The following ARHGAP26 variants were observed in gnomAD, a reference collection of about 807,000 sequenced individuals.
ARHGAP26 encodes Rho GTPase activating protein 26.
ARHGAP26 carries 38 observed loss-of-function variants against 104.8 expected under a neutral mutation model. The ratio of observed to expected loss-of-function variants is 0.36; its 90% confidence interval spans 0.28 to 0.48. The LOEUF is 0.48. Among genes scored for constraint, ARHGAP26 ranks in the 20% least tolerant of loss-of-function variants. ARHGAP26 has a pLI of 0.99. For missense variants in ARHGAP26, 704 were observed against 947.9 expected (o/e 0.74, Z 3.38); for synonymous variants, 341 against 340.0 (o/e 1.00, Z -0.03).
intron 1 of ARHGAP26, among the ~76,000 whole-genome samples, chr5:142,862,876 T>C (rs760493615): frequency 2.6e-5 from 4 of 152,204 alleles, no homozygotes; most frequent in Non-Finnish European, 5.9e-5. Context: ...GAAGACATCA[T>C]TTCATTTGGG....
chr5:142,802,675 A>G (rs1267028080), intron 1 of ARHGAP26, among the ~76,000 whole-genome samples: 1 of 152,030 alleles, frequency 6.6e-6, no homozygotes, highest in Non-Finnish European at 1.5e-5. Flanking sequence ...AAAAGTAGGC[A>G]TTGGCAAATT....
chr5:142,833,855 A>G (rs948674672), intron 1 of ARHGAP26, among the ~76,000 whole-genome samples: 3 of 152,222 alleles, frequency 2.0e-5, no homozygotes, highest in Non-Finnish European at 4.4e-5. Context: ...TTTCTGAAAC[A>G]ACACAAAAAT....
chr5:142,798,238 A>C (rs1159532877), intron 1 of ARHGAP26, among the ~76,000 whole-genome samples: 1 of 151,986 alleles, frequency 6.6e-6, no homozygotes, highest in Non-Finnish European at 1.5e-5. Flanking sequence ...CTCATCTTAC[A>C]CCATCTCTGC....
intron 5 of ARHGAP26, among the ~76,000 whole-genome samples, chr5:142,893,868 G>C (rs528398310): frequency 6.7e-6 from 1 of 149,824 alleles, no homozygotes; most frequent in African/African-American, 2.4e-5. Flanking sequence ...ATACCCTTTG[G>C]CTATTTGTGT....
chr5:143,060,850 A>C (rs1027863231), intron 17 of ARHGAP26, among the ~76,000 whole-genome samples: 9 of 152,150 alleles, frequency 5.9e-5, no homozygotes, highest in African/African-American at 2.2e-4. Context: ...GCCATATGCA[A>C]GGATTTTCTA....
chr5:143,019,954 C>T (rs546666849), intron 12 of ARHGAP26, among the ~76,000 whole-genome samples: 1 of 152,338 alleles, frequency 6.6e-6, no homozygotes, highest in African/African-American at 2.4e-5. Flanking sequence ...AAGGAATATG[C>T]TGAAGTTGCT....
intron 1 of ARHGAP26, among the ~76,000 whole-genome samples, chr5:142,808,311 G>A (rs1763425121): frequency 7.1e-6 from 1 of 140,884 alleles, no homozygotes; most frequent in South Asian, 2.3e-4. Flanking sequence ...TCCGAAAGGT[G>A]ATTTGCATGT....
chr5:143,001,146 C>T (rs1353369728), intron 11 of ARHGAP26, among the ~76,000 whole-genome samples: 1 of 151,734 alleles, frequency 6.6e-6, no homozygotes, highest in African/African-American at 2.4e-5. Flanking sequence ...GGGTGCAAAA[C>T]AGAACAGTGG....
intron 11 of ARHGAP26, among the ~76,000 whole-genome samples, chr5:142,952,320 C>A (rs894344653): frequency 6.6e-6 from 1 of 152,142 alleles, no homozygotes. Flanking sequence ...TGCCAACATT[C>A]GGCAGTGCAG....
intron 21 of ARHGAP26, among the ~76,000 whole-genome samples, chr5:143,208,364 C>T (rs1379922920): frequency 6.6e-6 from 1 of 152,250 alleles, no homozygotes; most frequent in East Asian, 1.9e-4. Flanking sequence ...AGTATTTTCC[C>T]TTCTGTCTTT....
chr5:142,897,917 T>C (rs1475462658), intron 6 of ARHGAP26, among the ~76,000 whole-genome samples: 1 of 152,184 alleles, frequency 6.6e-6, no homozygotes, highest in Non-Finnish European at 1.5e-5. Flanking sequence ...GCAAGAAGTC[T>C]ATTGAACTAA....
intron 10 of ARHGAP26, among the ~76,000 whole-genome samples, chr5:142,915,935 T>C (rs1373716340): frequency 1.3e-5 from 2 of 152,178 alleles, no homozygotes; most frequent in Non-Finnish European, 2.9e-5. Context: ...CTTTCCTTTT[T>C]CACCAATGTC....
chr5:142,859,338 G>A (rs557410973), intron 1 of ARHGAP26, among the ~76,000 whole-genome samples: 28 of 152,244 alleles, frequency 1.8e-4, no homozygotes, highest in Non-Finnish European at 3.7e-4. Flanking sequence ...CCCAGGACTG[G>A]GTACTTAATC....
In ARHGAP26 at chr5:142,861,571, G is replaced by C. The variant is rs13153145; in HGVS notation, c.155-11829G>C. On this transcript the variant is annotated intron_variant, in intron 1 of 22. Transcript: ENST00000645722. ...GACTGACGGTGAGGAGGGCGAGAGG[G>C]AGTCAAAGTGGTAGGGGCCGGGTGG... 5.9e-3 allele frequency among the ~76,000 whole-genome samples: 892 copies of C among 152,192 alleles called. 14 individuals carry two copies. The highest frequency in any genetic ancestry group is 0.02 in the African/African-American group (841 of 41,494).
chr5:142,867,291 GTGTGT>G (rs1561981067), intron 1 of ARHGAP26, among the ~76,000 whole-genome samples: 6 of 70,438 alleles, frequency 8.5e-5, no homozygotes, highest in Admixed American at 2.7e-4. Context: ...TGCACAGGGT[GTGTGT>G]GTGTGTGTGT....
intron 11 of ARHGAP26, among the ~76,000 whole-genome samples, chr5:142,986,582 G>A (rs565935158): frequency 6.6e-6 from 1 of 152,206 alleles, no homozygotes; most frequent in African/African-American, 2.4e-5. Context: ...CCTTGCCCAT[G>A]CCTATGTCCT....
chr5:143,182,077 C>T (rs896834435), intron 20 of ARHGAP26, among the ~76,000 whole-genome samples: 8 of 152,206 alleles, frequency 5.3e-5, no homozygotes. Context: ...AAGGTTCTTC[C>T]CTGATCCTTA....
At chr5:142,925,260 G>T (rs1277329394) in intron 10 of ARHGAP26, among the ~76,000 whole-genome samples, 1 of 152,066 alleles carries the variant, frequency 6.6e-6, no homozygotes, top group Non-Finnish European at 1.5e-5. Flanking sequence ...TTTTTGCTTT[G>T]CACTTGCACT....
At chr5:143,100,906 C>T (rs933565907) in intron 17 of ARHGAP26, among the ~76,000 whole-genome samples, 6 of 152,212 alleles carry the variant, frequency 3.9e-5, no homozygotes, top group African/African-American at 1.4e-4. Context: ...GCCTGGCCAA[C>T]ATGGCGAAAC....
Sources: allele counts gnomAD v4.1 joint callset (sites outside exome capture counted in the v4.1 genomes callset), GRCh38; gene constraint gnomAD v4.1.1; transcripts MANE v1.5; gene names NCBI Gene and HGNC (gene_info 2026-07-23, HGNC 2026-07-21).